The following NELL2 variants were observed in gnomAD, a reference collection of about 807,000 sequenced individuals.
NELL2 encodes protein kinase C-binding protein NELL2.
NELL2 carries 41 observed loss-of-function variants against 109.6 expected under a neutral mutation model. The ratio of observed to expected loss-of-function variants is 0.37; its 90% confidence interval spans 0.29 to 0.49. NELL2 has a LOEUF of 0.49. Among genes scored for constraint, NELL2 ranks in the 20% least tolerant of loss-of-function variants. The pLI, the probability that NELL2 is intolerant of heterozygous loss-of-function variation, is 0.98. For missense variants in NELL2, 900 were observed against 1,008.3 expected, an observed-to-expected ratio of 0.89 and a Z score of 1.45; for synonymous variants, 355 against 344.7, an observed-to-expected ratio of 1.03 and a Z score of -0.33.
At chr12:44,629,828 T>C (rs1341378253) in intron 13 of NELL2, among the ~76,000 whole-genome samples, 4 of 152,226 alleles carry the variant, frequency 2.6e-5, no homozygotes, top group Non-Finnish European at 5.9e-5. Flanking sequence ...ACTGTAATTA[T>C]TTCCTGACCT....
In NELL2 at chr12:44,528,097, C is replaced by CAAAAAAAAAAAA. The variant is rs71093812; in HGVS notation, c.1804+4472_1804+4483dup. Among the ~76,000 whole-genome samples, 25 of 22,004 alleles carry CAAAAAAAAAAAA rather than the reference C, an allele frequency of 1.1e-3. 1 individual carries two copies. The highest frequency in any genetic ancestry group is 2.4e-3 in the Admixed American group (3 of 1,276). The allele number at this position is 22,004 out of a possible 152,430, so 14.4% of individuals were successfully genotyped here. ...TGGGCGACAGAGCGAGACTCCGTCT[C>CAAAAAAAAAAAA]AAAAAAAAAAAAAAAAAAAAAAAAA... On this transcript the variant is annotated intron_variant, in intron 16 of 19. Transcript: ENST00000429094.
chr12:44,588,946 C>T (rs914852860), intron 15 of NELL2, among the ~76,000 whole-genome samples: 2 of 152,124 alleles, frequency 1.3e-5, no homozygotes, highest in Non-Finnish European at 1.5e-5. Flanking sequence ...TTTTATTTCA[C>T]ATGTATTTAG....
chr12:44,919,971 TCA>T (rs1945856816), intron 1 of NELL2, among the ~76,000 whole-genome samples: 2 of 152,348 alleles, frequency 1.3e-5, no homozygotes, highest in South Asian at 4.1e-4. Context: ...AAGTTGATTT[TCA>T]TGGATAACTG....
chr12:44,814,256 G>C (rs1321272299), intron 3 of NELL2, among the ~76,000 whole-genome samples: 1 of 152,116 alleles, frequency 6.6e-6, no homozygotes, highest in African/African-American at 2.4e-5. Context: ...AAGAAGGCTG[G>C]GTGAGTTCTA....
At chr12:44,678,679 A>G (rs577516017) in intron 12 of NELL2, among the ~76,000 whole-genome samples, 4 of 152,218 alleles carry the variant, frequency 2.6e-5, no homozygotes, top group Admixed American at 2.6e-4. Flanking sequence ...GTTGTTTGCA[A>G]TTCAAAACCC....
At chr12:44,517,258 G>A (rs371856544) in intron 19 of NELL2, among the ~76,000 whole-genome samples, 4 of 151,718 alleles carry the variant, frequency 2.6e-5, no homozygotes, top group East Asian at 3.9e-4. Flanking sequence ...TCCTTAGATC[G>A]AGTTATCTAT....
At position 44,812,861 on chromosome 12, in the gene NELL2, C is replaced by T. The variant is rs111318156; in HGVS notation, c.335+3125G>A. 3.0e-3 allele frequency among the ~76,000 whole-genome samples: 453 copies of T among 152,188 alleles called. 4 individuals are homozygous for T. Among genetic ancestry groups the T allele is most frequent in the African/African-American group, 0.01 (425 of 41,524 alleles). The stretch of plus-strand genomic sequence containing the variant: ...CTAGTTTAATGATCTCCCATAGACA[C>T]GGAGAGACCAGATAGCACAGAGGTT... On this transcript the variant is annotated intron_variant, in intron 3 of 19. Transcript: ENST00000429094.
At position 44,577,026 on chromosome 12, in the gene NELL2, A is replaced by G. The variant is rs1427480015; in HGVS notation, c.1663+30143T>C. Among the ~76,000 whole-genome samples the G allele has an allele frequency of 1.7e-4, 24 of 138,764 alleles. No homozygotes were observed. The East Asian group carries it at 3.9e-3, about 23-fold the overall frequency. The allele number at this position is 138,764 out of a possible 152,430, so 91.0% of individuals were successfully genotyped here. ...AACATACGTGTGCATGTGTCTTTAT[A>G]GCAGCATGATTTATAGTCCTTTGGG... On this transcript the variant is annotated intron_variant, in intron 15 of 19. Coordinates refer to ENST00000429094, the MANE Select transcript of NELL2 (RefSeq NM_001145108.2).
At chr12:44,802,569 G>A (rs2136656223) in intron 3 of NELL2, among the ~76,000 whole-genome samples, 1 of 152,114 alleles carries the variant, frequency 6.6e-6, no homozygotes, top group Admixed American at 6.6e-5. Context: ...ATGGGAATAA[G>A]ATGTTATTTT....
At chr12:44,644,639 T>TAC (rs1391701385) in intron 13 of NELL2, among the ~76,000 whole-genome samples, 1 of 130,272 alleles carries the variant, frequency 7.7e-6, no homozygotes, top group African/African-American at 2.7e-5. Context: ...TACATATATA[T>TAC]ATATATATAT....
intron 16 of NELL2, among the ~76,000 whole-genome samples, chr12:44,525,065 T>A (rs1375379163): frequency 2.0e-5 from 3 of 152,226 alleles, no homozygotes; most frequent in Non-Finnish European, 4.4e-5. Flanking sequence ...ACCATAGTTA[T>A]TTGGTCTCTT....
At chr12:44,692,413 G>A (rs1948929651) in intron 12 of NELL2, among the ~76,000 whole-genome samples, 1 of 152,080 alleles carries the variant, frequency 6.6e-6, no homozygotes, top group Admixed American at 6.6e-5. Flanking sequence ...GAGCTCTGAT[G>A]GCAACGCACT....
At chr12:44,738,661 G>T (rs1410503317) in intron 9 of NELL2, among the ~76,000 whole-genome samples, 1 of 151,436 alleles carries the variant, frequency 6.6e-6, no homozygotes, top group Non-Finnish European at 1.5e-5. Flanking sequence ...CCGTGGTCAG[G>T]GGGAAGGAGA....
chr12:44,792,230 G>A (rs1429349462), intron 3 of NELL2, among the ~76,000 whole-genome samples: 1 of 152,048 alleles, frequency 6.6e-6, no homozygotes, highest in Non-Finnish European at 1.5e-5. Flanking sequence ...AACTTTTTAG[G>A]GGAGAAAGCT....
chr12:44,749,347 G>C (rs929288077), intron 9 of NELL2, among the ~76,000 whole-genome samples: 1 of 152,128 alleles, frequency 6.6e-6, no homozygotes, highest in Non-Finnish European at 1.5e-5. Flanking sequence ...ATACTTCTAT[G>C]TGTAAGAAAG....
chr12:44,901,126 A>C (rs1341768760), intron 1 of NELL2, among the ~76,000 whole-genome samples: 3 of 152,176 alleles, frequency 2.0e-5, no homozygotes, highest in African/African-American at 7.2e-5. Flanking sequence ...TTTTTTGAAA[A>C]GATTAACAAC....
intron 3 of NELL2, among the ~76,000 whole-genome samples, chr12:44,815,220 T>A (rs957000436): frequency 6.6e-6 from 1 of 152,006 alleles, no homozygotes; most frequent in Non-Finnish European, 1.5e-5. Flanking sequence ...CCTAATCCTG[T>A]CTCACATATG....
At chr12:44,834,324 T>C (rs1186042811) in intron 2 of NELL2, among the ~76,000 whole-genome samples, 3 of 152,088 alleles carry the variant, frequency 2.0e-5, no homozygotes, top group African/African-American at 2.4e-5. Flanking sequence ...GTCACTCTTT[T>C]CTCTTGTTTC....
In NELL2 at chr12:44,747,736, C is replaced by G. The variant is rs191470360; in HGVS notation, c.994+27011G>C. On this transcript the variant is annotated intron_variant, in intron 9 of 19. Transcript: ENST00000429094. Reference sequence around the variant, plus strand: ...AGTAATGGATCAGTTTTATCTATTACCCATGTGCTGTTGCCATGACATATG... The same window carrying G: ...AGTAATGGATCAGTTTTATCTATTAGCCATGTGCTGTTGCCATGACATATG... Among the ~76,000 whole-genome samples, 7 of 152,218 alleles carry G rather than the reference C, an allele frequency of 4.6e-5. No homozygotes were observed. The East Asian group carries it at 1.4e-3, about 29-fold the overall frequency.
Sources: allele counts gnomAD v4.1 joint callset (sites outside exome capture counted in the v4.1 genomes callset), GRCh38; gene constraint gnomAD v4.1.1; transcripts MANE v1.5; gene names NCBI Gene and HGNC (gene_info 2026-07-23, HGNC 2026-07-21).